Variants in KIF26B observed in about 807,000 individuals in gnomAD.
KIF26B encodes kinesin-like protein KIF26B.
A neutral mutation model predicts 151.2 loss-of-function variants in KIF26B; 63 were observed. The ratio of observed to expected loss-of-function variants is 0.42; its 90% CI spans 0.34 to 0.51. KIF26B has a LOEUF of 0.51. Ranked by LOEUF, KIF26B falls within the 20% of genes least tolerant of loss-of-function variation. The pLI is 0.07. For synonymous variants in KIF26B, 1,357 were observed against 1,262.1 expected (o/e 1.08, Z -1.59); for missense variants, 2,813 against 2,913.6 (o/e 0.97, Z 0.79).
intron 9 of KIF26B, among the ~76,000 whole-genome samples, chr1:245,612,583 G>C (rs1357470278): frequency 6.6e-6 from 1 of 152,110 alleles, no homozygotes; most frequent in African/African-American, 2.4e-5. Context: ...GTTACAAAAA[G>C]AAAACAACTG....
At chr1:245,603,428 G>A (rs1211319699) in intron 6 of KIF26B, among the ~76,000 whole-genome samples, 2 of 152,184 alleles carry the variant, frequency 1.3e-5, no homozygotes, top group Non-Finnish European at 2.9e-5. Context: ...TCGGTCAGCT[G>A]AGCAGCTCTT....
Position 245,688,126 on chromosome 1 carries a change from G to C in KIF26B, c.5143G>C (p.Gly1715Arg), listed in dbSNP as rs765513476. ...GGGGAGGAGCCTGGGCCGCAGCGCC[G>C]GGACCTCGCCCCCCAGCTCCGGGGC... is the stretch of plus-strand genomic sequence containing the variant. Reference protein sequence around the residue: ...RAGRSLGRSAGTSPPSSGASP... With the variant: ...RAGRSLGRSARTSPPSSGASP... Residue 1715 changes from glycine to arginine, a missense_variant, in exon 12 of 15, where the codon GGG becomes CGG. Around this residue, in one of 3 missense-constraint regions of KIF26B, gnomAD observed 2,060 missense variants for 2,088.6 expected, o/e 0.99. Transcript: ENST00000407071. 1.3e-6 allele frequency: 2 copies of C among 1,580,706 alleles called. No homozygotes were observed. The highest frequency in any genetic ancestry group is 1.3e-5 in the African/African-American group (1 of 74,394).
rs2042976368 is a variant in KIF26B at position 245,563,562 on chromosome 1, C to T, written c.1350+22612C>T. 6.6e-6 allele frequency among the ~76,000 whole-genome samples: 1 copy of T among 152,188 alleles called. No individual in the cohort carries two copies. The highest frequency in any genetic ancestry group is 2.4e-5 in the African/African-American group (1 of 41,438). Reference sequence around the variant, plus strand: ...CTTCTTAATGGCCACTTCTCAAACACATGGCTGACAGATTCCGGAGGCCTT... The same window carrying T: ...CTTCTTAATGGCCACTTCTCAAACATATGGCTGACAGATTCCGGAGGCCTT... On this transcript the variant is annotated intron_variant, in intron 5 of 14. Transcript: ENST00000407071. The surrounding 1 kb of genome is among the most constrained non-coding windows in gnomAD (Gnocchi z 4.6).
At chr1:245,662,657 A>ATG (rs879721060) in intron 10 of KIF26B, among the ~76,000 whole-genome samples, 57,985 of 99,078 alleles carry the variant, frequency 0.59, 17,473 homozygotes, top group East Asian at 0.75. Context: ...CACATCCAAT[A>ATG]CATACATATA....
At chr1:245,359,667 CCTCCT>C (rs1397592318) in intron 2 of KIF26B, among the ~76,000 whole-genome samples, 9 of 151,312 alleles carry the variant, frequency 5.9e-5, no homozygotes, top group East Asian at 5.9e-4. Context: ...TCCCTCCTTC[CCTCCT>C]TTCCTTACTT....
At chr1:245,499,635 T>C (rs1337346100) in intron 4 of KIF26B, among the ~76,000 whole-genome samples, 1 of 152,256 alleles carries the variant, frequency 6.6e-6, no homozygotes, top group Non-Finnish European at 1.5e-5. Flanking sequence ...ACCTCCACTT[T>C]AAAGTAATTT....
intron 8 of KIF26B, 138 bp from the exon 9 acceptor site, chr1:245,611,655 G>C (rs1572157128): frequency 1.7e-5 from 12 of 716,156 alleles, no homozygotes; most frequent in Non-Finnish European, 2.7e-5. Context: ...GTTTCAGAAG[G>C]GTTTTCAGCC....
At chr1:245,700,048 TAAC>T (rs141098542) in intron 14 of KIF26B, among the ~76,000 whole-genome samples, 14 of 152,370 alleles carry the variant, frequency 9.2e-5, no homozygotes, top group South Asian at 2.1e-4. Flanking sequence ...GATAAGGTGA[TAAC>T]AACATTTCCC....
chr1:245,696,993 C>G (rs1310479257), intron 12 of KIF26B, among the ~76,000 whole-genome samples: 1 of 152,148 alleles, frequency 6.6e-6, no homozygotes, highest in African/African-American at 2.4e-5. Flanking sequence ...CGCCTGTAGT[C>G]CCAGCTACTT....
At chr1:245,621,996 A>G (rs2043668360) in intron 9 of KIF26B, among the ~76,000 whole-genome samples, 1 of 152,166 alleles carries the variant, frequency 6.6e-6, no homozygotes, top group Admixed American at 6.5e-5. Context: ...ATTTTATTCC[A>G]TTACATCAAA....
At chr1:245,303,650 C>T (rs1224784929) in intron 2 of KIF26B, among the ~76,000 whole-genome samples, 4 of 152,214 alleles carry the variant, frequency 2.6e-5, no homozygotes, top group Non-Finnish European at 5.9e-5. Flanking sequence ...GACTATCTAA[C>T]AGTAGTAGTT....
At chr1:245,325,466 C>T (rs1263068285) in intron 2 of KIF26B, among the ~76,000 whole-genome samples, 1 of 152,214 alleles carries the variant, frequency 6.6e-6, no homozygotes, top group East Asian at 1.9e-4. Flanking sequence ...GTAATCCCAG[C>T]ACTTTGGAAA....
intron 5 of KIF26B, among the ~76,000 whole-genome samples, chr1:245,550,250 G>A (rs35867377): frequency 0.33 from 49,781 of 152,128 alleles, 8,662 homozygotes; most frequent in Non-Finnish European, 0.38. Context: ...GGGTGGATTC[G>A]TTAGTGGAGC....
intron 3 of KIF26B, among the ~76,000 whole-genome samples, chr1:245,386,856 G>A (rs945225910): frequency 2.6e-5 from 4 of 152,122 alleles, no homozygotes; most frequent in African/African-American, 4.8e-5. Context: ...TCGGATGCCC[G>A]CTACGTGCCA....
intron 2 of KIF26B, among the ~76,000 whole-genome samples, chr1:245,171,474 G>A (rs1314015457): frequency 6.6e-6 from 1 of 152,110 alleles, no homozygotes; most frequent in Non-Finnish European, 1.5e-5. Context: ...AACCCGGGAG[G>A]TGGAGGTTGC....
intron 5 of KIF26B, among the ~76,000 whole-genome samples, chr1:245,556,071 T>C (rs1662017211): frequency 6.6e-6 from 1 of 152,206 alleles, no homozygotes; most frequent in Admixed American, 6.5e-5. Context: ...CGCTCCGGCT[T>C]GCTGGGGACA....
intron 5 of KIF26B, among the ~76,000 whole-genome samples, chr1:245,566,715 A>G (rs949722897): frequency 6.6e-6 from 1 of 152,126 alleles, no homozygotes. Context: ...GGATCAGAAG[A>G]TCAGGAGTTC....
chr1:245,419,550 A>G lies in KIF26B; in HGVS notation c.1000-29A>G, dbSNP rs1361625722. 4 of 1,586,852 alleles carry G rather than the reference A, an allele frequency of 2.5e-6. No homozygotes were observed. The Admixed American group carries it at 6.9e-5, about 28-fold the overall frequency. ...CAGGAAAAGCAGTGAGCCACAGGTA[A>G]TGAGCTCCGTATCCATTTTCTTTGT... On this transcript the variant is annotated intron_variant, in intron 3 of 14. Coordinates refer to ENST00000407071, the MANE Select transcript of KIF26B (RefSeq NM_018012.4).
chr1:245,212,175 G>T (rs1669549439), intron 2 of KIF26B, among the ~76,000 whole-genome samples: 1 of 152,144 alleles, frequency 6.6e-6, no homozygotes, highest in Non-Finnish European at 1.5e-5. Context: ...GTAATTTTAC[G>T]GTTGGGGTCT....
Sources: gnomAD v4.1 joint callset for allele counts (sites outside exome capture counted in the v4.1 genomes callset) on GRCh38, gnomAD v4.1.1 for gene constraint, gnomAD v4.1.1 regional missense constraint, Gnocchi (gnomAD v3.1) non-coding constraint, MANE v1.5 for transcripts, NCBI Gene and HGNC (gene_info 2026-07-23, HGNC 2026-07-21) for gene names.